The following VSTM2B variants were observed in gnomAD, a reference collection of about 807,000 sequenced individuals.
VSTM2B encodes V-set and transmembrane domain-containing protein 2B.
A neutral mutation model predicts 24.0 loss-of-function variants in VSTM2B; 24 were observed. The observed-to-expected ratio is 1.00, with a 90% CI of 0.72 to 1.40. The LOEUF is 1.40. Ranked by LOEUF, VSTM2B falls within the 40% of genes most tolerant of loss-of-function variation. The probability of loss-of-function intolerance (pLI) is 0.00; values close to 1 mark genes in which losing one functional copy is unlikely to be tolerated. For missense variants in VSTM2B, 399 were observed against 416.4 expected (o/e 0.96, Z 0.36); for synonymous variants, 226 against 194.4 (o/e 1.16, Z -1.35).
chr19:29,531,300 C>G (rs1162553695), intron 4 of VSTM2B, among the ~76,000 whole-genome samples: 1 of 152,204 alleles, frequency 6.6e-6, no homozygotes, highest in Non-Finnish European at 1.5e-5. Flanking sequence ...CAGGGAGCAT[C>G]TCTCCTGGCC....
At chr19:29,541,642 G>T (rs1056789945) in intron 4 of VSTM2B, among the ~76,000 whole-genome samples, 19 of 152,098 alleles carry the variant, frequency 1.2e-4, no homozygotes, top group Non-Finnish European at 2.4e-4. Flanking sequence ...TGAGTGGATG[G>T]GTAGATGGGT....
intron 4 of VSTM2B, among the ~76,000 whole-genome samples, chr19:29,559,746 A>T (rs1225261393): frequency 6.6e-6 from 1 of 152,130 alleles, no homozygotes; most frequent in Non-Finnish European, 1.5e-5. Flanking sequence ...AGAAGAAGCT[A>T]TGTCACCCTT....
At chr19:29,543,818 A>G (rs1449039725) in intron 4 of VSTM2B, among the ~76,000 whole-genome samples, 3 of 152,180 alleles carry the variant, frequency 2.0e-5, no homozygotes, top group African/African-American at 7.2e-5. Flanking sequence ...CTCTCTTTCA[A>G]AATATGGACA....
Position 29,530,189 on chromosome 19 carries a change from C to G in VSTM2B, c.668C>G (p.Ala223Gly). The G allele has an allele frequency of 6.7e-7, 1 of 1,491,140 alleles. No individual in the cohort carries two copies. The highest frequency in any genetic ancestry group is 8.9e-7 in the Non-Finnish European group (1 of 1,127,744). 92.4% of individuals were successfully genotyped at this position (1,491,140 alleles called of 1,614,324 possible). ...GTCCCCGAGGCCGCGGCAGCCTCGG[C>G]GGCCCACACGCCCACCACCACAGTC... Reference protein sequence around the residue: ...PAVPEAAAASAAHTPTTTVAA... With the variant: ...PAVPEAAAASGAHTPTTTVAA... Residue 223 changes from alanine to glycine, a missense_variant, in exon 4 of 5, where the codon GCG becomes GGG. By Grantham distance (60) the Ala-to-Gly change is moderately conservative. Transcript: ENST00000335523.
In VSTM2B at chr19:29,527,392, C is replaced by T; in HGVS notation, c.264C>T (p.Ser88=). 6.6e-7 allele frequency: 1 copy of T among 1,526,156 alleles called. No homozygotes were observed. The highest frequency in any genetic ancestry group is 8.8e-7 in the Non-Finnish European group (1 of 1,138,466). 94.5% of individuals were successfully genotyped at this position (1,526,156 alleles called of 1,614,324 possible). The part of the protein sequence containing the change: ...ELALSVPGAR[S]KVTNKDATKI... ...CGCTCAGCGTGCCGGGCGCCCGGAG[C>T]AAGGTAACCCGCCGCCCACGCGGTA... Residue 88 remains serine, a synonymous_variant, in exon 2 of 5, where the codon AGC becomes AGT. Transcript: ENST00000335523.
intron 4 of VSTM2B, among the ~76,000 whole-genome samples, chr19:29,546,730 A>C (rs556230773): frequency 2.7e-5 from 4 of 149,844 alleles, no homozygotes; most frequent in South Asian, 4.2e-4. Context: ...CTCTGACAGC[A>C]GCTGCCTGAC....
At chr19:29,534,553 A>G (rs372750150) in intron 4 of VSTM2B, among the ~76,000 whole-genome samples, 14 of 152,204 alleles carry the variant, frequency 9.2e-5, no homozygotes, top group African/African-American at 3.1e-4. Context: ...TGTCTCTACT[A>G]AAAACACAAA....
intron 4 of VSTM2B, among the ~76,000 whole-genome samples, chr19:29,561,516 T>G (rs568895002): frequency 1.3e-5 from 2 of 152,178 alleles, no homozygotes; most frequent in South Asian, 4.1e-4. Context: ...TCCCAGCTAC[T>G]TGGGAGGCTG....
chr19:29,532,881 G>C (rs989639829), intron 4 of VSTM2B, among the ~76,000 whole-genome samples: 3 of 152,218 alleles, frequency 2.0e-5, no homozygotes, highest in Non-Finnish European at 2.9e-5. Flanking sequence ...ATGTGAAATA[G>C]ATCTTTGAGA....
chr19:29,534,085 G>A (rs1049117914), intron 4 of VSTM2B, among the ~76,000 whole-genome samples: 14 of 152,230 alleles, frequency 9.2e-5, no homozygotes, highest in African/African-American at 2.7e-4. Flanking sequence ...TGGAAAGAGC[G>A]TATGTACCAA....
At chr19:29,531,131 G>A (rs1969748741) in intron 4 of VSTM2B, among the ~76,000 whole-genome samples, 1 of 151,846 alleles carries the variant, frequency 6.6e-6, no homozygotes, top group South Asian at 2.1e-4. Context: ...GGTTATGGAG[G>A]GTAGAAAGGC....
At chr19:29,533,325 G>A (rs566522828) in intron 4 of VSTM2B, among the ~76,000 whole-genome samples, 12 of 152,302 alleles carry the variant, frequency 7.9e-5, no homozygotes, top group African/African-American at 2.4e-4. Flanking sequence ...GGATCCCAGC[G>A]GGGCTGACAG....
intron 4 of VSTM2B, among the ~76,000 whole-genome samples, chr19:29,534,617 G>A (rs972973992): frequency 6.6e-6 from 1 of 152,038 alleles, no homozygotes; most frequent in Non-Finnish European, 1.5e-5. Flanking sequence ...TTGGGAGGCT[G>A]AGGCAGGATA....
chr19:29,537,460 C>T (rs1969917421), intron 4 of VSTM2B, among the ~76,000 whole-genome samples: 1 of 152,152 alleles, frequency 6.6e-6, no homozygotes, highest in Non-Finnish European at 1.5e-5. Flanking sequence ...CACAGGACGG[C>T]CCTTGAGAGA....
chr19:29,559,588 A>G (rs962076394), intron 4 of VSTM2B, among the ~76,000 whole-genome samples: 1 of 152,226 alleles, frequency 6.6e-6, no homozygotes, highest in Non-Finnish European at 1.5e-5. Context: ...CTGCACATGT[A>G]TCCCAGAACC....
intron 2 of VSTM2B, 37 bp downstream of exon 2, chr19:29,527,432 G>A: frequency 7.0e-7 from 1 of 1,425,728 alleles, no homozygotes. Context: ...CGCGCGCCCG[G>A]CTCGCGCCCG....
chr19:29,557,650 G>A (rs1320428242), intron 4 of VSTM2B, among the ~76,000 whole-genome samples: 3 of 150,980 alleles, frequency 2.0e-5, no homozygotes, highest in Non-Finnish European at 4.4e-5. Flanking sequence ...AGTGAGCTGA[G>A]ATGGTGCCAT....
Position 29,526,646 on chromosome 19 carries a change from G to A in VSTM2B, c.63G>A (p.Leu21=). 6.5e-7 allele frequency: 1 copy of A among 1,529,762 alleles called. No homozygotes were observed. 94.8% of individuals were successfully genotyped at this position (1,529,762 alleles called of 1,614,324 possible). A position where few individuals can be genotyped will look rare whatever the true frequency, so the allele number is the denominator to read the frequency against. The part of the protein sequence containing the change: ...GYLPPLLLHA[L]LLFVADAAFT... ...TGCCGCCTCTGCTGCTGCATGCCCTGCTGCTCTTCGTGGCCGACGGTGAGC... is the reference window on the plus strand; with the variant it reads ...TGCCGCCTCTGCTGCTGCATGCCCTACTGCTCTTCGTGGCCGACGGTGAGC... The change falls in exon 1 of 5, where the codon CTG becomes CTA. Residue 21 remains leucine, a synonymous_variant. Transcript: ENST00000335523. The surrounding 1 kb of genome is among the most constrained non-coding windows in gnomAD (Gnocchi z 4.1).
intron 4 of VSTM2B, among the ~76,000 whole-genome samples, chr19:29,542,758 G>A (rs1264195313): frequency 6.6e-6 from 1 of 152,160 alleles, no homozygotes; most frequent in South Asian, 2.1e-4. Context: ...GGTAGATTTG[G>A]GATACAAGTT....
Sources: gnomAD v4.1 joint callset for allele counts (sites outside exome capture counted in the v4.1 genomes callset) on GRCh38, gnomAD v4.1.1 for gene constraint, Gnocchi (gnomAD v3.1) non-coding constraint, MANE v1.5 for transcripts, NCBI Gene and HGNC (gene_info 2026-07-23, HGNC 2026-07-21) for gene names.